The following PHLPP1 variants were observed in gnomAD, a reference collection of about 807,000 sequenced individuals.
PHLPP1 encodes the protein PH domain leucine-rich repeat-containing protein phosphatase 1.
Under a neutral mutation model 117.2 loss-of-function variants are expected in PHLPP1, and 42 were observed. The observed-to-expected ratio is 0.36, with a 90% CI of 0.28 to 0.46. The LOEUF (loss-of-function observed/expected upper bound fraction) is 0.46, where lower values mean the gene tolerates loss of function less well. PHLPP1 is among the 20% of genes least tolerant of loss of function. PHLPP1 has a pLI of 1.00. For synonymous variants in PHLPP1, 1,042 were observed against 970.7 expected (o/e 1.07, Z -1.37); for missense variants, 2,084 against 2,241.9 (o/e 0.93, Z 1.42).
At chr18:62,925,248 A>G (rs1393139173) in intron 10 of PHLPP1, among the ~76,000 whole-genome samples, 1 of 152,170 alleles carries the variant, frequency 6.6e-6, no homozygotes, top group Non-Finnish European at 1.5e-5. Flanking sequence ...TAGCATCTGC[A>G]TGCACATTTG....
At chr18:62,739,880 A>C (rs910393633) in intron 1 of PHLPP1, among the ~76,000 whole-genome samples, 15 of 152,300 alleles carry the variant, frequency 9.8e-5, no homozygotes, top group African/African-American at 3.4e-4. Flanking sequence ...CTTTTTCTCG[A>C]GCTCATCAAC....
intron 10 of PHLPP1, among the ~76,000 whole-genome samples, chr18:62,934,827 A>G (rs1172177008): frequency 6.6e-6 from 1 of 152,194 alleles, no homozygotes; most frequent in African/African-American, 2.4e-5. Flanking sequence ...ATTATATCTC[A>G]ATAAAGCTGT....
rs1915310614 is a variant in PHLPP1 at position 62,850,297 on chromosome 18, A to T, written c.1900-10138A>T. Among the ~76,000 whole-genome samples, 3 of 142,896 alleles carry T rather than the reference A, an allele frequency of 2.1e-5. No individual in the cohort carries two copies. In the Admixed American group the frequency reaches 2.2e-4, roughly 11 times the overall value. The allele number at this position is 142,896 out of a possible 152,430, so 93.7% of individuals were successfully genotyped here. On this transcript the variant is annotated intron_variant, in intron 3 of 16. Transcript: ENST00000262719. ...CAGCTACTCAGGAGGCTGAGGCAGG[A>T]GAATTGCTTGAACTCGGAAGGTGGA...
chr18:62,877,863 C>T (rs926555143), intron 4 of PHLPP1, among the ~76,000 whole-genome samples: 1 of 152,182 alleles, frequency 6.6e-6, no homozygotes, highest in African/African-American at 2.4e-5. Flanking sequence ...TTCTTATTCC[C>T]TCATATAGTA....
At chr18:62,808,396 A>G (rs1914012047) in intron 1 of PHLPP1, among the ~76,000 whole-genome samples, 1 of 152,148 alleles carries the variant, frequency 6.6e-6, no homozygotes, top group Non-Finnish European at 1.5e-5. Context: ...TGGGAAGTTG[A>G]CAGTATGATG....
At chr18:62,769,851 A>G (rs1186114026) in intron 1 of PHLPP1, among the ~76,000 whole-genome samples, 1 of 152,172 alleles carries the variant, frequency 6.6e-6, no homozygotes, top group Non-Finnish European at 1.5e-5. Context: ...CCATATTTCA[A>G]ATACATCTCT....
chr18:62,949,353 AAT>A lies in PHLPP1; in HGVS notation c.3324+4085_3324+4086del, dbSNP rs1245121007. Reference sequence around the variant, plus strand: ...ATCTCCGTACTGAGATGTATGCTAAAATATGTTTTTAAAACACCTGAATAATT... The same window carrying A: ...ATCTCCGTACTGAGATGTATGCTAAAATGTTTTTAAAACACCTGAATAATT... On this transcript the variant is annotated intron_variant, in intron 12 of 16. Transcript: ENST00000262719. 3.3e-5 allele frequency among the ~76,000 whole-genome samples: 5 copies of A among 152,240 alleles called. No individual in the cohort carries two copies. In the East Asian group the frequency reaches 9.6e-4, roughly 29 times the overall value.
At chr18:62,718,386 C>T (rs1910824206) in intron 1 of PHLPP1, among the ~76,000 whole-genome samples, 1 of 152,098 alleles carries the variant, frequency 6.6e-6, no homozygotes, top group African/African-American at 2.4e-5. Context: ...TCTTTTGGTC[C>T]AGCTTGTGTG....
intron 12 of PHLPP1, among the ~76,000 whole-genome samples, chr18:62,958,026 G>GATTCAAGTT (rs780899625): frequency 2.0e-5 from 3 of 152,076 alleles, no homozygotes; most frequent in Non-Finnish European, 4.4e-5. Context: ...GTATTCAAGT[G>GATTCAAGTT]ATTCTCATGT....
intron 3 of PHLPP1, among the ~76,000 whole-genome samples, chr18:62,850,394 C>CA (rs1555677141): frequency 8.0e-5 from 3 of 37,288 alleles, no homozygotes; most frequent in African/African-American, 3.5e-4. Context: ...CTCGGGGGGG[C>CA]GGGGGGGAAA....
intron 6 of PHLPP1, among the ~76,000 whole-genome samples, chr18:62,899,307 A>G (rs1916656167): frequency 6.6e-6 from 1 of 152,146 alleles, no homozygotes; most frequent in East Asian, 1.9e-4. Flanking sequence ...TAATTGCCTC[A>G]CCCACCTTTG....
chr18:62,896,603 G>A (rs1291883185), intron 6 of PHLPP1, among the ~76,000 whole-genome samples: 2 of 151,960 alleles, frequency 1.3e-5, no homozygotes, highest in Admixed American at 6.6e-5. Flanking sequence ...CCTGTTTTTT[G>A]TTGTTGTTTT....
At chr18:62,893,461 A>G (rs1412034041) in intron 4 of PHLPP1, among the ~76,000 whole-genome samples, 1 of 152,238 alleles carries the variant, frequency 6.6e-6, no homozygotes, top group Non-Finnish European at 1.5e-5. Flanking sequence ...TTAAAATACA[A>G]TTAAGTCTAT....
intron 1 of PHLPP1, among the ~76,000 whole-genome samples, chr18:62,786,496 A>G (rs1353928919): frequency 6.6e-6 from 1 of 152,218 alleles, no homozygotes; most frequent in African/African-American, 2.4e-5. Context: ...GACCTTGGGT[A>G]AGTTACTAAT....
At chr18:62,900,487 A>C in intron 6 of PHLPP1, among the ~76,000 whole-genome samples, 2 of 123,000 alleles carry the variant, frequency 1.6e-5, no homozygotes, top group Non-Finnish European at 3.2e-5. Flanking sequence ...TTTGTTACCC[A>C]AGCTGGAATG....
chr18:62,883,286 A>T (rs888558240), intron 4 of PHLPP1, among the ~76,000 whole-genome samples: 1 of 152,314 alleles, frequency 6.6e-6, no homozygotes, highest in East Asian at 1.9e-4. Context: ...GAAACACCAG[A>T]CAGCAGGCTG....
chr18:62,857,760 T>C (rs1227193075), intron 3 of PHLPP1, among the ~76,000 whole-genome samples: 2 of 152,202 alleles, frequency 1.3e-5, no homozygotes, highest in Admixed American at 1.3e-4. Flanking sequence ...TCATGTAGTA[T>C]CTTAATTACC....
intron 10 of PHLPP1, 126 bp downstream of exon 10, chr18:62,920,240 A>G (rs1043896616): frequency 2.1e-6 from 2 of 961,630 alleles, no homozygotes; most frequent in Non-Finnish European, 3.1e-6. Context: ...TGTGAAGGAA[A>G]TAGTTTTGCC....
intron 10 of PHLPP1, among the ~76,000 whole-genome samples, chr18:62,932,212 A>G (rs1909836075): frequency 6.6e-6 from 1 of 152,220 alleles, no homozygotes; most frequent in Non-Finnish European, 1.5e-5. Flanking sequence ...GGCTGGTACC[A>G]ATCTTGTTGA....
Sources: gnomAD v4.1 joint callset for allele counts (sites outside exome capture counted in the v4.1 genomes callset) on GRCh38, gnomAD v4.1.1 for gene constraint, MANE v1.5 for transcripts, NCBI Gene and HGNC (gene_info 2026-07-23, HGNC 2026-07-21) for gene names.